The following HERC1 variants were observed in gnomAD, a reference collection of about 807,000 sequenced individuals.
The protein encoded by HERC1 is probable E3 ubiquitin-protein ligase HERC1.
Under a neutral mutation model 554.3 loss-of-function variants are expected in HERC1, and 160 were observed. The ratio of observed to expected loss-of-function variants is 0.29; its 90% CI spans 0.25 to 0.33. The LOEUF (loss-of-function observed/expected upper bound fraction) is 0.33. HERC1 is among the 10% of genes least tolerant of loss of function. HERC1 has a pLI of 1.00. For synonymous variants in HERC1, 2,175 were observed against 2,131.7 expected, an observed-to-expected ratio of 1.02 and a Z score of -0.56; for missense variants, 4,919 against 5,918.5, an observed-to-expected ratio of 0.83 and a Z score of 5.54.
chr15:63,642,828 ACT>A (rs1201748269), intron 59 of HERC1, 127 bp downstream of exon 59: 1 of 627,826 alleles, frequency 1.6e-6, no homozygotes, highest in Non-Finnish European at 2.9e-6. Context: ...AAATAGTTGC[ACT>A]GTTTTGGACA....
At chr15:63,616,881 C>G in intron 74 of HERC1, 199 bp from the exon 75 acceptor site, 1 of 572,860 alleles carries the variant, frequency 1.7e-6, no homozygotes, top group East Asian at 2.9e-5. Context: ...TTCTCAAAAG[C>G]CACATGTGGA....
chr15:63,611,346 T>A (rs1052970628), intron 77 of HERC1, among the ~76,000 whole-genome samples: 2 of 152,178 alleles, frequency 1.3e-5, no homozygotes, highest in Non-Finnish European at 2.9e-5. Context: ...GAGAGTGACA[T>A]GGTCAGACAG....
chr15:63,672,182 GAA>G (rs536817251), intron 39 of HERC1, among the ~76,000 whole-genome samples: 30 of 150,276 alleles, frequency 2.0e-4, no homozygotes, highest in African/African-American at 7.1e-4. Flanking sequence ...ACTTTTTGAG[GAA>G]AAAAAAATAC....
At position 63,622,803 on chromosome 15, in the gene HERC1, T is replaced by A; in HGVS notation, c.13688+12A>T. 3 of 1,582,158 alleles carry A rather than the reference T, an allele frequency of 1.9e-6. No individual in the cohort carries two copies. The highest frequency in any genetic ancestry group is 2.6e-6 in the Non-Finnish European group (3 of 1,163,672). ...TTTTAGACATATAATGAACACTTGC[T>A]GACTGCCATACCTGTCCCTATTGTA... On this transcript the variant is annotated intron_variant, in intron 74 of 77. Transcript: ENST00000443617.
chr15:63,828,032 A>G (rs557534402), intron 1 of HERC1, among the ~76,000 whole-genome samples: 14 of 152,044 alleles, frequency 9.2e-5, no homozygotes, highest in Non-Finnish European at 1.9e-4. Context: ...AGTGTTCCGG[A>G]ATTAGATAGT....
intron 54 of HERC1, among the ~76,000 whole-genome samples, chr15:63,649,162 G>C (rs1051078736): frequency 1.3e-5 from 2 of 152,168 alleles, no homozygotes; most frequent in African/African-American, 4.8e-5. Context: ...AGACCATCCT[G>C]GCCAACATGG....
At position 63,619,557 on chromosome 15, in the gene HERC1, T is replaced by C. The variant is rs138494647; in HGVS notation, c.13689-2875A>G. Among the ~76,000 whole-genome samples the C allele has an allele frequency of 5.0e-3, 761 of 152,344 alleles. 10 individuals carry two copies. The highest frequency in any genetic ancestry group is 0.018 in the African/African-American group (729 of 41,568). ...CCTCTTTTTCTATTGATTGGAATAG[T>C]TTCAGAAGGAATGGTACCAGCTCCT... On this transcript the variant is annotated intron_variant, in intron 74 of 77. Transcript: ENST00000443617.
chr15:63,680,449 T>C lies in HERC1; in HGVS notation c.6465+88A>G. ...AGAAAGGAGAGACGAGCAGATAATC[T>C]ATAAACTGAATACGTGGCACTTGAA... On this transcript the variant is annotated intron_variant, in intron 35 of 77. Transcript: ENST00000443617. This position sits in a 1 kb window ranked among gnomAD's most constrained non-coding sequence, Gnocchi z 5.8. The C allele has an allele frequency of 7.3e-7, 1 of 1,365,798 alleles. No homozygotes were observed. The highest frequency in any genetic ancestry group is 1.0e-6 in the Non-Finnish European group (1 of 1,003,486). 84.6% of individuals were successfully genotyped at this position (1,365,798 alleles called of 1,614,324 possible). A position where few individuals can be genotyped will look rare whatever the true frequency, so the allele number is the denominator to read the frequency against.
intron 73 of HERC1, 46 bp from the exon 74 acceptor site, chr15:63,622,937 C>T: frequency 2.4e-6 from 3 of 1,225,230 alleles, no homozygotes; most frequent in Non-Finnish European, 3.5e-6. Flanking sequence ...CAATCAAATG[C>T]ATGAAGAGAA....
At chr15:63,776,937 C>T (rs74618980) in intron 1 of HERC1, among the ~76,000 whole-genome samples, 3,091 of 152,258 alleles carry the variant, frequency 0.02, 96 homozygotes, top group African/African-American at 0.071. Flanking sequence ...AGTAAACAGA[C>T]ATCTGTAGTT....
At position 63,675,040 on chromosome 15, in the gene HERC1, G is replaced by A. The variant is rs531415921; in HGVS notation, c.7148C>T (p.Ala2383Val). ...EPCEPLPFDVARFRGLTASVL... is the reference protein window; with the variant it reads ...EPCEPLPFDVVRFRGLTASVL... ...AGAAGCCGTCAGGCCTCGGAATCGCGCCACATCAAACGGCAATGGTTCACA... is the reference window on the plus strand; with the variant it reads ...AGAAGCCGTCAGGCCTCGGAATCGCACCACATCAAACGGCAATGGTTCACA... The change falls in exon 38 of 78, where the codon GCG becomes GTG. Residue 2383 changes from alanine (A) to valine (V), a missense_variant. By Grantham distance (64) the Ala-to-Val change is moderately conservative (BLOSUM62 0). Coordinates refer to ENST00000443617, the MANE Select transcript of HERC1 (RefSeq NM_003922.4). 619 of 1,613,996 alleles carry A rather than the reference G, an allele frequency of 3.8e-4. 6 individuals are homozygous for A. In the South Asian group the frequency reaches 6.3e-3, roughly 16 times the overall value.
chr15:63,778,904 A>G (rs1034195130), intron 1 of HERC1, among the ~76,000 whole-genome samples: 8 of 152,146 alleles, frequency 5.3e-5, no homozygotes, highest in African/African-American at 1.9e-4. Flanking sequence ...TGAATCAAAA[A>G]TTCAAAAACT....
At chr15:63,774,216 T>C (rs1001604590) in intron 2 of HERC1, among the ~76,000 whole-genome samples, 1 of 152,214 alleles carries the variant, frequency 6.6e-6, no homozygotes, top group Admixed American at 6.5e-5. Flanking sequence ...AAATTATATA[T>C]TTATTATCTG....
At chr15:63,691,035 G>T (rs910006910) in intron 31 of HERC1, among the ~76,000 whole-genome samples, 1 of 152,158 alleles carries the variant, frequency 6.6e-6, no homozygotes. Context: ...GCTCATAGAG[G>T]TAGAGTTTTA....
At chr15:63,763,016 T>C (rs1177999674) in intron 3 of HERC1, among the ~76,000 whole-genome samples, 1 of 152,184 alleles carries the variant, frequency 6.6e-6, no homozygotes, top group Non-Finnish European at 1.5e-5. Context: ...GACCTCCACA[T>C]TCTCACCACC....
intron 48 of HERC1, among the ~76,000 whole-genome samples, chr15:63,656,803 A>C (rs2070064865): frequency 6.6e-6 from 1 of 152,242 alleles, no homozygotes. Flanking sequence ...CATCAATTGA[A>C]TAATTAATAT....
At chr15:63,673,204 CA>C (rs1244841598) in intron 38 of HERC1, among the ~76,000 whole-genome samples, 1 of 151,712 alleles carries the variant, frequency 6.6e-6, no homozygotes, top group African/African-American at 2.4e-5. Context: ...TAAAAGTTTA[CA>C]AAGTATTTAT....
In HERC1 at chr15:63,665,455, C is replaced by T. The variant is rs186987408; in HGVS notation, c.8555+464G>A. Among the ~76,000 whole-genome samples, 173 of 152,212 alleles carry T rather than the reference C, an allele frequency of 1.1e-3. 1 individual carries two copies. The highest frequency in any genetic ancestry group is 4.1e-3 in the African/African-American group (170 of 41,544). ...GGCTGAGGCAGGGAACTGCTTGAAC[C>T]GGGGAGGCGGAGGTTGCTGCAGTGA... On this transcript the variant is annotated intron_variant, in intron 42 of 77. Coordinates refer to ENST00000443617, the MANE Select transcript of HERC1 (RefSeq NM_003922.4).
chr15:63,650,598 T>C (rs374843960), intron 53 of HERC1, among the ~76,000 whole-genome samples: 1 of 151,988 alleles, frequency 6.6e-6, no homozygotes, highest in Non-Finnish European at 1.5e-5. Flanking sequence ...TAACTATTAA[T>C]AGGGCAAAAT....
Sources: allele counts gnomAD v4.1 joint callset (sites outside exome capture counted in the v4.1 genomes callset), GRCh38; gene constraint gnomAD v4.1.1; non-coding constraint Gnocchi (gnomAD v3.1); transcripts MANE v1.5; gene names NCBI Gene and HGNC (gene_info 2026-07-23, HGNC 2026-07-21).